Variants in FSD1 observed in about 807,000 individuals in gnomAD.
FSD1 encodes fibronectin type III and SPRY domain-containing protein 1.
FSD1 carries 23 observed loss-of-function variants against 58.2 expected under a neutral mutation model. That is an observed-to-expected ratio of 0.40 (90% CI 0.28 to 0.56). The LOEUF is 0.56. Among genes scored for constraint, FSD1 ranks in the 20% least tolerant of loss-of-function variants. The pLI, the probability that FSD1 is intolerant of heterozygous loss-of-function variation, is 0.54. For synonymous variants in FSD1, 265 were observed against 263.4 expected (o/e 1.01, Z -0.06); for missense variants, 563 against 670.8 (o/e 0.84, Z 1.78).
rs747703427 is a variant in FSD1, at chr19:4,323,335, C to T, written c.1292-13C>T. On this transcript the variant is annotated splice_polypyrimidine_tract_variant and intron_variant, in intron 11 of 12. Transcript: ENST00000221856. The surrounding 1 kb of genome is among the most constrained non-coding windows in gnomAD (Gnocchi z 7.7). ...CTGACCGGTCCCACTGTCACTCTGC[C>T]CCCCGACCCCAGGCCTCCTGTCCTT... is the stretch of plus-strand genomic sequence containing the variant. 1 of 1,612,638 alleles carries T rather than the reference C, an allele frequency of 6.2e-7. No homozygotes were observed.
At chr19:4,320,681 G>T (rs1025644202) in intron 10 of FSD1, among the ~76,000 whole-genome samples, 1 of 151,980 alleles carries the variant, frequency 6.6e-6, no homozygotes, top group Non-Finnish European at 1.5e-5. Context: ...GGAGGGAATA[G>T]CTGGGACTTG....
intron 10 of FSD1, among the ~76,000 whole-genome samples, chr19:4,320,707 G>A (rs1014964933): frequency 5.3e-5 from 8 of 151,858 alleles, no homozygotes; most frequent in African/African-American, 1.9e-4. Context: ...CATCTGGAGG[G>A]AATAGCTGCA....
chr19:4,319,952 G>A (rs1971796275), intron 10 of FSD1, among the ~76,000 whole-genome samples: 3 of 152,148 alleles, frequency 2.0e-5, no homozygotes, highest in Admixed American at 1.3e-4. Context: ...GGGTGAAGGA[G>A]TAGCTGAGAT....
intron 7 of FSD1, among the ~76,000 whole-genome samples, chr19:4,316,897 C>T (rs1158379867): frequency 2.0e-5 from 3 of 152,054 alleles, no homozygotes; most frequent in African/African-American, 4.8e-5. Flanking sequence ...ATTACAGGCA[C>T]ACACCACCAC....
At chr19:4,306,854 C>A (rs536503748) in intron 3 of FSD1, among the ~76,000 whole-genome samples, 14 of 152,212 alleles carry the variant, frequency 9.2e-5, no homozygotes, top group Admixed American at 5.9e-4. Flanking sequence ...TTTCTCAGCC[C>A]TTCCCACTGG....
chr19:4,306,459 C>T, intron 3 of FSD1, 130 bp downstream of exon 3: 3 of 801,506 alleles, frequency 3.7e-6, no homozygotes, highest in East Asian at 2.7e-5. Context: ...CTCCATCCAC[C>T]TGTACACTCT....
At chr19:4,305,733 G>A (rs1400379785) in intron 1 of FSD1, among the ~76,000 whole-genome samples, 1 of 152,202 alleles carries the variant, frequency 6.6e-6, no homozygotes, top group Non-Finnish European at 1.5e-5. Context: ...ATCCCTGGAG[G>A]GGAGCGCGGG....
At chr19:4,310,238 G>T in intron 4 of FSD1, 35 bp from the exon 5 acceptor site, 2 of 1,613,622 alleles carry the variant, frequency 1.2e-6, no homozygotes, top group Non-Finnish European at 1.7e-6. Context: ...AACAAAAAAA[G>T]AAATCTTTGA....
chr19:4,314,915 T>C (rs1971736821), intron 7 of FSD1, among the ~76,000 whole-genome samples: 1 of 152,252 alleles, frequency 6.6e-6, no homozygotes, highest in Non-Finnish European at 1.5e-5. Flanking sequence ...TTCCAGGTGC[T>C]ACGCTTTATA....
intron 10 of FSD1, among the ~76,000 whole-genome samples, chr19:4,320,782 G>A (rs1216958643): frequency 6.6e-6 from 1 of 150,718 alleles, no homozygotes; most frequent in East Asian, 2.0e-4. Flanking sequence ...AGCTGGGACT[G>A]AGGAGTATCT....
chr19:4,311,782 C>G, intron 6 of FSD1, 60 bp from the exon 7 acceptor site: 2 of 1,511,374 alleles, frequency 1.3e-6, no homozygotes, highest in South Asian at 1.1e-5. Flanking sequence ...CTGCAGCAAG[C>G]CCCCTGCCCC....
At chr19:4,312,177 TG>T (rs1477383182) in intron 7 of FSD1, 126 bp downstream of exon 7, 5 of 835,346 alleles carry the variant, frequency 6.0e-6, no homozygotes, top group Non-Finnish European at 9.3e-6. Flanking sequence ...GGAAGCAGCC[TG>T]GGGAGGTGGA....
chr19:4,316,692 G>A (rs910004404), intron 7 of FSD1, among the ~76,000 whole-genome samples: 8 of 152,040 alleles, frequency 5.3e-5, no homozygotes, highest in African/African-American at 1.9e-4. Flanking sequence ...GTAATTCATA[G>A]CCCCTCAGGG....
intron 3 of FSD1, among the ~76,000 whole-genome samples, 157 bp from the exon 4 acceptor site, chr19:4,307,725 G>C (rs1971638105): frequency 6.6e-6 from 1 of 152,168 alleles, no homozygotes. Context: ...CCCGAGCCCA[G>C]CCCCATTTGG....
intron 6 of FSD1, 63 bp from the exon 7 acceptor site, chr19:4,311,779 A>AC: frequency 6.7e-7 from 1 of 1,501,186 alleles, no homozygotes; most frequent in South Asian, 1.1e-5. Context: ...GCCCTGCAGC[A>AC]AGCCCCCTGC....
At chr19:4,317,455 T>G (rs1222677961) in intron 8 of FSD1, among the ~76,000 whole-genome samples, 175 bp downstream of exon 8, 1 of 152,140 alleles carries the variant, frequency 6.6e-6, no homozygotes, top group East Asian at 1.9e-4. Context: ...TTTTTGTCCT[T>G]TGCTTCTGAG....
chr19:4,306,026 G>A lies in FSD1; in HGVS notation c.96G>A (p.Met32Ile). 6.2e-7 allele frequency: 1 copy of A among 1,614,056 alleles called. No homozygotes were observed. The highest frequency in any genetic ancestry group is 8.5e-7 in the Non-Finnish European group (1 of 1,179,906). ...IQSFIYSLKQ[M>I]LLNVEANSAK... ...GCTTTATCTACTCCCTGAAACAGAT[G>A]CTGCTGAACGTGGAGGTGAAGGCGG... is the stretch of plus-strand genomic sequence containing the variant. The change falls in exon 2 of 13, where the codon ATG (methionine) becomes ATA (isoleucine). Residue 32 changes from methionine to isoleucine, a missense_variant. Physicochemically the swap from Met to Ile is conservative, Grantham distance 10. Transcript: ENST00000221856.
At chr19:4,312,504 A>G (rs1238939998) in intron 7 of FSD1, among the ~76,000 whole-genome samples, 2 of 136,126 alleles carry the variant, frequency 1.5e-5, no homozygotes, top group African/African-American at 5.2e-5. Flanking sequence ...AAAACAAAAA[A>G]TAATAATAAT....
At chr19:4,322,350 A>G (rs1212024291) in intron 10 of FSD1, among the ~76,000 whole-genome samples, 1 of 151,200 alleles carries the variant, frequency 6.6e-6, no homozygotes. Context: ...TCTGGAGGGG[A>G]TAGCTGGGAT....
Sources: allele counts gnomAD v4.1 joint callset (sites outside exome capture counted in the v4.1 genomes callset), GRCh38; gene constraint gnomAD v4.1.1; non-coding constraint Gnocchi (gnomAD v3.1); transcripts MANE v1.5; gene names NCBI Gene and HGNC (gene_info 2026-07-23, HGNC 2026-07-21).